NF1: variants seen among roughly 807,000 people sequenced by gnomAD.
NF1 encodes neurofibromin 1.
Under a neutral mutation model 325.7 loss-of-function variants are expected in NF1, and 122 were observed. The observed-to-expected ratio is 0.37, with a 90% CI of 0.32 to 0.44. The LOEUF (loss-of-function observed/expected upper bound fraction) is 0.44, where lower values mean the gene tolerates loss of function less well. Among genes scored for constraint, NF1 ranks in the 20% least tolerant of loss-of-function variants. NF1 has a pLI of 1.00. For missense variants in NF1, 2,140 were observed against 3,415.4 expected (o/e 0.63, Z 9.31); for synonymous variants, 1,091 against 1,186.0 (o/e 0.92, Z 1.65).
intron 29 of NF1, among the ~76,000 whole-genome samples, chr17:31,241,313 T>C (rs2067292683): frequency 6.6e-6 from 1 of 152,288 alleles, no homozygotes; most frequent in Middle Eastern, 3.4e-3. Context: ...CACTCTTACG[T>C]CTTTTGATTG....
chr17:31,192,276 A>T (rs1173012941), intron 8 of NF1, among the ~76,000 whole-genome samples: 3 of 152,232 alleles, frequency 2.0e-5, no homozygotes, highest in African/African-American at 7.2e-5. Flanking sequence ...AGTTCCTGAG[A>T]ACATGTGCCC....
intron 30 of NF1, chr17:31,250,132 A>G (rs557337350): frequency 1.9e-4 from 73 of 380,644 alleles, no homozygotes; most frequent in Admixed American, 8.0e-4. Context: ...CACGGTATAC[A>G]TAGATGATAA....
intron 15 of NF1, 30 bp downstream of exon 15, chr17:31,221,959 C>G (rs1597706839): frequency 6.4e-7 from 1 of 1,554,886 alleles, no homozygotes; most frequent in African/African-American, 1.4e-5. Context: ...TTAAATTCAA[C>G]TTTTAAATTT....
intron 36 of NF1, chr17:31,307,907 G>T: frequency 7.8e-7 from 1 of 1,289,170 alleles, no homozygotes; most frequent in Non-Finnish European, 1.0e-6. Context: ...TATCTAAACA[G>T]CATATCATTG....
chr17:31,230,761 A>G, intron 23 of NF1, 81 bp from the exon 24 acceptor site: 1 of 1,086,768 alleles, frequency 9.2e-7, no homozygotes, highest in Non-Finnish European at 1.4e-6. Flanking sequence ...TTTGCACTAT[A>G]AGAAATCTTA....
chr17:31,375,025 TA>T lies in NF1; in HGVS notation c.*871del, dbSNP rs759306393. 2,064 of 201,200 alleles carry T rather than the reference TA, an allele frequency of 0.01. 31 individuals carry two copies. Among genetic ancestry groups the T allele is most frequent in the African/African-American group, 0.039 (1,686 of 43,098 alleles). The allele number at this position is 201,200 out of a possible 1,614,324, so 12.5% of individuals were successfully genotyped here. On this transcript the variant is annotated 3_prime_UTR_variant, in exon 58 of 58. Transcript: ENST00000358273. ...TAAGTATAGTAATTATATATATATA[TA>T]TATTTTTTCCCCTCCCCCTCTTCTT...
chr17:31,218,779 T>C (rs894241314), intron 13 of NF1, among the ~76,000 whole-genome samples: 4 of 151,634 alleles, frequency 2.6e-5, no homozygotes, highest in African/African-American at 9.7e-5. Flanking sequence ...ACCATATTGG[T>C]CAGGCTGGTC....
chr17:31,237,705 C>T (rs181993955), intron 29 of NF1, among the ~76,000 whole-genome samples: 43 of 132,056 alleles, frequency 3.3e-4, no homozygotes, highest in East Asian at 1.3e-3. Flanking sequence ...TACATTATTA[C>T]GGATTTTATG....
In NF1 at chr17:31,336,617, A is replaced by T. The variant is rs544123874; in HGVS notation, c.6148-18A>T. ...CCATGTTTTTTTTTTTAAAAAAAAA[A>T]ATCCTGCTTCTTTACAGGTTATTGG... is the stretch of plus-strand genomic sequence containing the variant. On this transcript the variant is annotated intron_variant, in intron 41 of 57. Transcript: ENST00000358273. The surrounding 1 kb of genome is among the most constrained non-coding windows in gnomAD (Gnocchi z 5.5). 1.1e-5 allele frequency: 17 copies of T among 1,578,488 alleles called. No individual in the cohort carries two copies. In the African/African-American group the frequency reaches 2.2e-4, roughly 20 times the overall value.
At chr17:31,144,131 G>A (rs1331294959) in intron 1 of NF1, among the ~76,000 whole-genome samples, 1 of 152,034 alleles carries the variant, frequency 6.6e-6, no homozygotes, top group Non-Finnish European at 1.5e-5. Flanking sequence ...CCTTGTTCTT[G>A]TTTTTCAAAA....
rs2068502292 is a variant in NF1, at chr17:31,298,081, C to A, written c.4836-27739C>A. ...ACATTTTTGGTGCTGTATGAATGAC[C>A]ATTTATTTGATTTTATGTTTTAAGA... is the stretch of plus-strand genomic sequence containing the variant. On this transcript the variant is annotated intron_variant, in intron 36 of 57. Coordinates refer to ENST00000358273, the MANE Select transcript of NF1 (RefSeq NM_001042492.3). 3.9e-5 allele frequency among the ~76,000 whole-genome samples: 6 copies of A among 151,986 alleles called. No homozygotes were observed. In the South Asian group the frequency reaches 1.2e-3, roughly 32 times the overall value.
intron 1 of NF1, among the ~76,000 whole-genome samples, chr17:31,119,324 A>G (rs1170981717): frequency 2.6e-5 from 4 of 151,988 alleles, no homozygotes; most frequent in Admixed American, 2.0e-4. Context: ...CTGGTGTGAG[A>G]TGGTATCTCA....
At chr17:31,161,646 A>G (rs1365588595) in intron 3 of NF1, among the ~76,000 whole-genome samples, 1 of 152,218 alleles carries the variant, frequency 6.6e-6, no homozygotes, top group South Asian at 2.1e-4. Flanking sequence ...ACCTGGCCTT[A>G]TGTTCTCATG....
intron 8 of NF1, among the ~76,000 whole-genome samples, chr17:31,199,299 G>A (rs866121673): frequency 9.2e-5 from 14 of 151,998 alleles, no homozygotes; most frequent in African/African-American, 2.7e-4. Context: ...TTTATCTCAC[G>A]TTGGTTTCTA....
rs1314400102 is a variant in NF1 at position 31,201,498 on chromosome 17, G to C, written c.1260+13G>C. On this transcript the variant is annotated intron_variant, in intron 11 of 57. Coordinates refer to ENST00000358273, the MANE Select transcript of NF1 (RefSeq NM_001042492.3). ...AATCATCACCAATGTAAGTCCAAAAGGTATTGCTAAATTACTAAAAAAATT... is the reference window on the plus strand; with the variant it reads ...AATCATCACCAATGTAAGTCCAAAACGTATTGCTAAATTACTAAAAAAATT... 1.3e-6 allele frequency: 2 copies of C among 1,596,310 alleles called. No homozygotes were observed. Among genetic ancestry groups the C allele is most frequent in the Admixed American group, 1.7e-5 (1 of 59,390 alleles).
intron 57 of NF1, among the ~76,000 whole-genome samples, chr17:31,371,517 G>A (rs1316214712): frequency 6.6e-6 from 1 of 152,160 alleles, no homozygotes; most frequent in East Asian, 1.9e-4. Flanking sequence ...TATTTCTTTT[G>A]TAAATAGCTC....
At chr17:31,257,234 GTT>G (rs1433350098) in intron 31 of NF1, among the ~76,000 whole-genome samples, 1 of 152,046 alleles carries the variant, frequency 6.6e-6, no homozygotes, top group Non-Finnish European at 1.5e-5. Flanking sequence ...TGAAATGAAG[GTT>G]TATCCTTGAC....
chr17:31,187,356 G>A (rs559831157), intron 8 of NF1, among the ~76,000 whole-genome samples: 146 of 152,146 alleles, frequency 9.6e-4, no homozygotes, highest in African/African-American at 3.2e-3. Flanking sequence ...GCGCCACCAC[G>A]CCCAGCTAAT....
intron 49 of NF1, 72 bp from the exon 50 acceptor site, chr17:31,350,111 A>T: frequency 6.5e-7 from 1 of 1,533,968 alleles, no homozygotes; most frequent in Non-Finnish European, 9.0e-7. Context: ...GGAGACTGTA[A>T]GAAGTTCATC....
Sources: allele counts gnomAD v4.1 joint callset (sites outside exome capture counted in the v4.1 genomes callset), GRCh38; gene constraint gnomAD v4.1.1; non-coding constraint Gnocchi (gnomAD v3.1); transcripts MANE v1.5; gene names NCBI Gene and HGNC (gene_info 2026-07-23, HGNC 2026-07-21).